ERAP1: variants seen among roughly 807,000 people sequenced by gnomAD.
The protein encoded by ERAP1 is endoplasmic reticulum aminopeptidase 1.
A neutral mutation model predicts 103.7 loss-of-function variants in ERAP1; 86 were observed. That is an observed-to-expected ratio of 0.83 (90% CI 0.70 to 0.99). The LOEUF (loss-of-function observed/expected upper bound fraction) is 0.99. Among genes scored for constraint, ERAP1 ranks in the 50% least tolerant of loss-of-function variants. The pLI is 0.00. For missense variants in ERAP1, 1,009 were observed against 1,128.4 expected (o/e 0.89, Z 1.52); for synonymous variants, 398 against 402.4 (o/e 0.99, Z 0.13).
the ERAP1 span, among the ~76,000 whole-genome samples, chr5:96,852,389 C>T: frequency 6.6e-6 from 1 of 152,154 alleles, no homozygotes; most frequent in East Asian, 1.9e-4. Flanking sequence ...CTGATGTCTC[C>T]ATCAGCAGGT....
the ERAP1 span, among the ~76,000 whole-genome samples, chr5:96,875,204 T>C: frequency 6.6e-6 from 1 of 152,030 alleles, no homozygotes; most frequent in Non-Finnish European, 1.5e-5. Flanking sequence ...TAATAAGCGG[T>C]GGGATTTTTT....
At position 96,785,892 on chromosome 5, in the gene ERAP1, C is replaced by G; in HGVS notation, c.1839G>C (p.Glu613Asp). Residue 613 changes from glutamate (E) to aspartate (D), a missense_variant, in exon 13 of 19, where the codon GAG (glutamate) becomes GAC (aspartate). Coordinates refer to ENST00000443439, the MANE Select transcript of ERAP1 (RefSeq NM_001040458.3). ...GMNGYYIVHY[E>D]DDGWDSLTGL... ...CAGTCAAAGAGTCCCATCCATCATC[C>G]TCGTAATGCACAATGTAATAGCCAT... 1 of 1,614,124 alleles carries G rather than the reference C, an allele frequency of 6.2e-7. No homozygotes were observed. The highest frequency in any genetic ancestry group is 8.5e-7 in the Non-Finnish European group (1 of 1,180,018).
chr5:96,800,745 G>T, intron 3 of ERAP1, 117 bp downstream of exon 3: 3 of 1,081,362 alleles, frequency 2.8e-6, no homozygotes, highest in Non-Finnish European at 4.3e-6. Context: ...AGTTAGTAAC[G>T]ATCTGCCAGG....
chr5:96,837,588 G>C, the ERAP1 span, among the ~76,000 whole-genome samples: 1 of 152,204 alleles, frequency 6.6e-6, no homozygotes, highest in Non-Finnish European at 1.5e-5. Context: ...AAACTCTGTA[G>C]GTGCCATGGC....
the ERAP1 span, among the ~76,000 whole-genome samples, chr5:96,830,200 C>T: frequency 6.6e-6 from 1 of 152,174 alleles, no homozygotes; most frequent in African/African-American, 2.4e-5. Context: ...TATGTACAGA[C>T]TGCAGACCAG....
chr5:96,770,507 C>A (rs1171136034), downstream of ERAP1: 2 of 1,542,178 alleles, frequency 1.3e-6, no homozygotes, highest in Admixed American at 3.3e-5. Flanking sequence ...TAGCCATAGC[C>A]TCATTACATT....
chr5:96,783,531 C>G (rs1416852787), intron 14 of ERAP1, among the ~76,000 whole-genome samples: 1 of 152,104 alleles, frequency 6.6e-6, no homozygotes, highest in Non-Finnish European at 1.5e-5. Context: ...ATTTTGAGAG[C>G]AAATTATGCA....
the ERAP1 span, among the ~76,000 whole-genome samples, chr5:96,820,076 C>T: frequency 6.6e-6 from 1 of 152,120 alleles, no homozygotes; most frequent in East Asian, 1.9e-4. Context: ...CCATCACAGG[C>T]ATATTCACTT....
chr5:96,813,466 A>T, the ERAP1 span, among the ~76,000 whole-genome samples: 1 of 152,146 alleles, frequency 6.6e-6, no homozygotes, highest in South Asian at 2.1e-4. Context: ...CGTCCTGGCC[A>T]ACATGGTGAA....
the ERAP1 span, among the ~76,000 whole-genome samples, chr5:96,853,384 T>G: frequency 4.5e-3 from 688 of 152,268 alleles, 4 homozygotes; most frequent in Non-Finnish European, 8.0e-3. Flanking sequence ...CAGGTAAATC[T>G]AATTCTATGA....
chr5:96,795,967 A>G (rs1316442682), intron 4 of ERAP1, among the ~76,000 whole-genome samples: 1 of 152,274 alleles, frequency 6.6e-6, no homozygotes, highest in Non-Finnish European at 1.5e-5. Flanking sequence ...AGAATTAAAA[A>G]TATTAATATA....
the ERAP1 span, among the ~76,000 whole-genome samples, chr5:96,815,584 G>A: frequency 1.3e-5 from 2 of 151,772 alleles, no homozygotes; most frequent in African/African-American, 4.8e-5. Context: ...GCTAATTTTT[G>A]TACTTTTAGT....
At chr5:96,904,804 T>C in the ERAP1 span, among the ~76,000 whole-genome samples, 1 of 152,220 alleles carries the variant, frequency 6.6e-6, no homozygotes, top group Non-Finnish European at 1.5e-5. Context: ...ACTTAGATTG[T>C]CTAAATTTAG....
the ERAP1 span, among the ~76,000 whole-genome samples, chr5:96,874,158 GAAAGAAAGAAAGAAAGAAAGAA>G: frequency 7.4e-3 from 804 of 109,182 alleles, 24 homozygotes; most frequent in South Asian, 0.088. Flanking sequence ...AAGAAAGAAA[GAAAGAAAGAAAGAAAGAAAGAA>G]AGAGAGAGAG....
chr5:96,886,976 T>A, the ERAP1 span, among the ~76,000 whole-genome samples: 2 of 151,828 alleles, frequency 1.3e-5, no homozygotes, highest in Admixed American at 1.3e-4. Flanking sequence ...ATAATATTAA[T>A]GTAAGCCTTC....
the ERAP1 span, among the ~76,000 whole-genome samples, chr5:96,845,569 T>A: frequency 2.0e-5 from 3 of 152,200 alleles, no homozygotes; most frequent in Non-Finnish European, 4.4e-5. Flanking sequence ...TAAGTAAATA[T>A]TTTACACATA....
the ERAP1 span, chr5:96,913,442 C>T: frequency 6.2e-7 from 1 of 1,614,000 alleles, no homozygotes; most frequent in South Asian, 1.1e-5. Context: ...GAAAATTGGA[C>T]CCATCTTCTG....
At chr5:96,824,707 C>A in the ERAP1 span, among the ~76,000 whole-genome samples, 1 of 152,170 alleles carries the variant, frequency 6.6e-6, no homozygotes, top group East Asian at 1.9e-4. Context: ...GTCACATCCC[C>A]TTACTTCTCT....
the ERAP1 span, among the ~76,000 whole-genome samples, chr5:96,903,738 G>A: frequency 1.1e-4 from 17 of 151,646 alleles, no homozygotes; most frequent in South Asian, 3.4e-3. Context: ...CCCACACAGT[G>A]TTTATAATTG....
Sources: allele counts gnomAD v4.1 joint callset (sites outside exome capture counted in the v4.1 genomes callset), GRCh38; gene constraint gnomAD v4.1.1; transcripts MANE v1.5; gene names NCBI Gene and HGNC (gene_info 2026-07-23, HGNC 2026-07-21).